Variants in PIBF1 observed in about 807,000 individuals in gnomAD.
PIBF1 encodes the protein progesterone immunomodulatory binding factor 1, also known as progesterone-induced-blocking factor 1.
Under a neutral mutation model 112.5 loss-of-function variants are expected in PIBF1, and 90 were observed. The observed-to-expected ratio is 0.80, with a 90% CI of 0.67 to 0.95. PIBF1 has a LOEUF of 0.95. Among genes scored for constraint, PIBF1 ranks in the 40% least tolerant of loss-of-function variants. The probability of loss-of-function intolerance (pLI) is 0.00; values close to 1 mark genes in which losing one functional copy is unlikely to be tolerated. For synonymous variants in PIBF1, 301 were observed against 288.6 expected, an observed-to-expected ratio of 1.04 and a Z score of -0.44; for missense variants, 915 against 852.3, an observed-to-expected ratio of 1.07 and a Z score of -0.92.
intron 13 of PIBF1, among the ~76,000 whole-genome samples, chr13:72,919,501 A>C (rs1027665041): frequency 6.6e-6 from 1 of 152,336 alleles, no homozygotes; most frequent in East Asian, 1.9e-4. Flanking sequence ...AATTTTCAGC[A>C]TATCTGTTTC....
intron 13 of PIBF1, among the ~76,000 whole-genome samples, 162 bp downstream of exon 13, chr13:72,917,328 A>G (rs2041138021): frequency 6.6e-6 from 1 of 152,114 alleles, no homozygotes; most frequent in South Asian, 2.1e-4. Flanking sequence ...CATGTATTTC[A>G]TATATATTTA....
At chr13:72,969,463 C>T (rs1839912528) in intron 15 of PIBF1, 1 of 152,034 alleles carries the variant, frequency 6.6e-6, no homozygotes, top group African/African-American at 2.4e-5. Flanking sequence ...AAATCTTATT[C>T]TTAATTGAAG....
intron 11 of PIBF1, among the ~76,000 whole-genome samples, chr13:72,897,355 A>G (rs1458501906): frequency 6.6e-6 from 1 of 152,234 alleles, no homozygotes; most frequent in African/African-American, 2.4e-5. Context: ...GCTTCAAAGC[A>G]TAAATCACAC....
At chr13:72,836,232 T>G (rs117674558) in intron 9 of PIBF1, 12,602 of 356,850 alleles carry the variant, frequency 0.035, 363 homozygotes, top group Non-Finnish European at 0.048. Flanking sequence ...ATGGCAGATA[T>G]TTTTATACCG....
rs182913663 is a variant in PIBF1, at chr13:72,815,725, G to A, written c.673-6124G>A. Among the ~76,000 whole-genome samples, 7 of 152,234 alleles carry A rather than the reference G, an allele frequency of 4.6e-5. No individual in the cohort carries two copies. The East Asian group carries it at 7.7e-4, about 17-fold the overall frequency. On this transcript the variant is annotated intron_variant, in intron 5 of 17. Transcript: ENST00000326291. ...CTGTCATTCAGGCTGGAGTGCAGTG[G>A]CATGATCACACCTCACTGCAGCCTT...
intron 14 of PIBF1, among the ~76,000 whole-genome samples, chr13:72,935,355 CATAATTA>C (rs1286227539): frequency 6.6e-6 from 1 of 152,082 alleles, no homozygotes; most frequent in African/African-American, 2.4e-5. Context: ...TTTCACTCTG[CATAATTA>C]TTTCAAGATT....
At chr13:72,851,278 T>G (rs1566357573) in intron 9 of PIBF1, among the ~76,000 whole-genome samples, 2 of 152,216 alleles carry the variant, frequency 1.3e-5, no homozygotes, top group Admixed American at 6.5e-5. Context: ...ATCTTCGGCC[T>G]AGGGAGCCCC....
At chr13:72,784,275 TAA>T (rs5804646) in intron 2 of PIBF1, among the ~76,000 whole-genome samples, 12 of 123,974 alleles carry the variant, frequency 9.7e-5, no homozygotes, top group Admixed American at 1.7e-4. Context: ...CAGCTCTACT[TAA>T]AAAAAAAAAA....
rs138758153 is a variant in PIBF1 at position 72,802,155 on chromosome 13, A to G, written c.672+4129A>G. 1.9e-3 allele frequency among the ~76,000 whole-genome samples: 285 copies of G among 152,242 alleles called. 2 individuals carry two copies. The highest frequency in any genetic ancestry group is 2.9e-3 in the Non-Finnish European group (198 of 67,992). The stretch of plus-strand genomic sequence containing the variant: ...GTTTTCAGTGAGTCAAAAGTTACAC[A>G]TGGATTTTTTTTTTGACTGTATGGG... On this transcript the variant is annotated intron_variant, in intron 5 of 17. Transcript: ENST00000326291.
intron 15 of PIBF1, among the ~76,000 whole-genome samples, chr13:72,967,216 G>A (rs1225756985): frequency 1.3e-5 from 2 of 152,138 alleles, no homozygotes; most frequent in Non-Finnish European, 2.9e-5. Flanking sequence ...TTAAAGGCAT[G>A]AGACACCATG....
intron 8 of PIBF1, among the ~76,000 whole-genome samples, chr13:72,831,614 A>G (rs2037117569): frequency 6.6e-6 from 1 of 152,144 alleles, no homozygotes; most frequent in African/African-American, 2.4e-5. Flanking sequence ...GTTTGATTGC[A>G]CTGTGTTCTG....
At chr13:72,863,178 T>C (rs567915963) in intron 10 of PIBF1, among the ~76,000 whole-genome samples, 47 of 152,010 alleles carry the variant, frequency 3.1e-4, no homozygotes, top group Admixed American at 2.8e-3. Flanking sequence ...ACAGGCTATA[T>C]AACAAAGGAC....
chr13:72,955,288 A>G (rs2042412762), intron 14 of PIBF1, among the ~76,000 whole-genome samples: 2 of 151,978 alleles, frequency 1.3e-5, no homozygotes, highest in South Asian at 4.2e-4. Flanking sequence ...AATTCAGTTA[A>G]TATGGATCCA....
intron 9 of PIBF1, among the ~76,000 whole-genome samples, chr13:72,853,804 A>C: frequency 6.6e-6 from 1 of 152,180 alleles, no homozygotes; most frequent in East Asian, 1.9e-4. Flanking sequence ...ATTACTATAT[A>C]TACAAACTGG....
At chr13:72,987,858 ATTTTTT>A (rs55999445) in intron 16 of PIBF1, among the ~76,000 whole-genome samples, 1 of 58,136 alleles carries the variant, frequency 1.7e-5, no homozygotes, top group African/African-American at 9.3e-5. Context: ...TTATTTATTT[ATTTTTT>A]TTTTTTTTTT....
chr13:72,899,334 A>T (rs1295855183), intron 11 of PIBF1, among the ~76,000 whole-genome samples: 1 of 152,220 alleles, frequency 6.6e-6, no homozygotes, highest in East Asian at 1.9e-4. Flanking sequence ...AGAAAACTAC[A>T]GACTGATATC....
intron 10 of PIBF1, among the ~76,000 whole-genome samples, chr13:72,884,152 C>T (rs938670403): frequency 6.6e-6 from 1 of 152,062 alleles, no homozygotes; most frequent in African/African-American, 2.4e-5. Flanking sequence ...TTTGTATTAG[C>T]AGTTTGGAGA....
chr13:72,936,609 T>G (rs2041877675), intron 14 of PIBF1, among the ~76,000 whole-genome samples: 1 of 152,190 alleles, frequency 6.6e-6, no homozygotes, highest in Non-Finnish European at 1.5e-5. Flanking sequence ...AAACAATCAT[T>G]TATGTGTGAG....
chr13:72,784,275 T>TAAAA (rs5804646), intron 2 of PIBF1, among the ~76,000 whole-genome samples: 3 of 123,986 alleles, frequency 2.4e-5, no homozygotes, highest in Non-Finnish European at 4.9e-5. Flanking sequence ...CAGCTCTACT[T>TAAAA]AAAAAAAAAA....
Sources: gnomAD v4.1 joint callset for allele counts (sites outside exome capture counted in the v4.1 genomes callset) on GRCh38, gnomAD v4.1.1 for gene constraint, MANE v1.5 for transcripts, NCBI Gene and HGNC (gene_info 2026-07-23, HGNC 2026-07-21) for gene names.